DENND4B: variants seen among roughly 807,000 people sequenced by gnomAD.
The protein encoded by DENND4B is DENN domain-containing protein 4B.
DENND4B carries 67 observed loss-of-function variants against 161.0 expected under a neutral mutation model. The observed-to-expected ratio is 0.42, with a 90% CI of 0.34 to 0.51. DENND4B has a LOEUF of 0.51. Among genes scored for constraint, DENND4B ranks in the 20% least tolerant of loss-of-function variants. DENND4B has a pLI of 0.08. For synonymous variants in DENND4B, 753 were observed against 813.8 expected (o/e 0.93, Z 1.27); for missense variants, 1,481 against 1,968.0 (o/e 0.75, Z 4.68).
chr1:153,939,846 A>G, intron 11 of DENND4B, 42 bp from the exon 12 acceptor site: 2 of 1,590,722 alleles, frequency 1.3e-6, no homozygotes, highest in Non-Finnish European at 1.7e-6. Context: ...TGGCTCCCAT[A>G]GTGTTACCCT....
At position 153,944,382 on chromosome 1, in the gene DENND4B, C is replaced by G. The variant is rs545959826; in HGVS notation, c.-8G>C. On this transcript the variant is annotated 5_prime_UTR_variant, in exon 2 of 28. Coordinates refer to ENST00000361217, the MANE Select transcript of DENND4B (RefSeq NM_014856.3). This position sits in a 1 kb window ranked among gnomAD's most constrained non-coding sequence, Gnocchi z 4.8. The stretch of plus-strand genomic sequence containing the variant: ...GGGCCGCTCCTCCGCCATGGCCCCC[C>G]CCTCACTCACTGCATCTGGAATGGT... 10 of 1,599,828 alleles carry G rather than the reference C, an allele frequency of 6.3e-6. No homozygotes were observed. In the East Asian group the frequency reaches 1.6e-4, roughly 25 times the overall value.
Position 153,936,254 on chromosome 1 carries a change from C to T in DENND4B, c.2440-66G>A. The T allele has an allele frequency of 1.9e-6, 3 of 1,539,654 alleles. No homozygotes were observed. The highest frequency in any genetic ancestry group is 2.4e-5 in the East Asian group (1 of 41,082). The stretch of plus-strand genomic sequence containing the variant: ...CAACCAAAACCAAAGTCTCAGCAAG[C>T]ACCCTCTTCCTGCCTCCCCAATTCT... On this transcript the variant is annotated intron_variant, in intron 16 of 27. Coordinates refer to ENST00000361217, the MANE Select transcript of DENND4B (RefSeq NM_014856.3). This position sits in a 1 kb window ranked among gnomAD's most constrained non-coding sequence, Gnocchi z 4.1.
intron 17 of DENND4B, chr1:153,935,788 T>A (rs938093735): frequency 5.3e-6 from 2 of 380,814 alleles, no homozygotes; most frequent in East Asian, 1.1e-4. Context: ...GATAAAATGA[T>A]GTAAAATGTG....
In DENND4B at chr1:153,934,682, A is replaced by C. The variant is rs1679214423; in HGVS notation, c.2773+78T>G. 6.5e-7 allele frequency: 1 copy of C among 1,530,528 alleles called. No homozygotes were observed. Among genetic ancestry groups the C allele is most frequent in the African/African-American group, 1.4e-5 (1 of 72,822 alleles). 94.8% of individuals were successfully genotyped at this position (1,530,528 alleles called of 1,614,324 possible). A position where few individuals can be genotyped will look rare whatever the true frequency, so the allele number is the denominator to read the frequency against. On this transcript the variant is annotated intron_variant, in intron 18 of 27. Transcript: ENST00000361217. This position sits in a 1 kb window ranked among gnomAD's most constrained non-coding sequence, Gnocchi z 5.3. ...GAAACCCAATGCCAACCATTAGACC[A>C]GCCCCAACTCTCTATGCCTTTCCCT...
rs1459120612 is a variant in DENND4B, at chr1:153,942,020, C to T, written c.904G>A (p.Glu302Lys). ...ARALGLLSAV[E>K]RGRALGGRAV... ...CTGCCCCCCAGTGCCCGACCCCGCT[C>T]CACGGCGCTCAGCAGGCCCAGTGCC... The change falls in exon 6 of 28, where the codon GAG becomes AAG. Residue 302 changes from glutamate to lysine, a missense_variant. Glu to Lys is a moderately conservative substitution (Grantham distance 56). Transcript: ENST00000361217. This position sits in a 1 kb window ranked among gnomAD's most constrained non-coding sequence, Gnocchi z 6.9. 2 of 1,611,364 alleles carry T rather than the reference C, an allele frequency of 1.2e-6. No individual in the cohort carries two copies. Among genetic ancestry groups the T allele is most frequent in the Non-Finnish European group, 1.7e-6 (2 of 1,178,994 alleles).
At position 153,933,093 on chromosome 1, in the gene DENND4B, C is replaced by G; in HGVS notation, c.3454-63G>C. The G allele has an allele frequency of 3.1e-6, 5 of 1,610,498 alleles. No homozygotes were observed. Among genetic ancestry groups the G allele is most frequent in the Non-Finnish European group, 4.2e-6 (5 of 1,177,496 alleles). ...GCCGCCAGCACTCTGGAGCCCATGC[C>G]CCTTCCCCAGCCCCTCCCACCTCCT... On this transcript the variant is annotated intron_variant, in intron 21 of 27. Coordinates refer to ENST00000361217, the MANE Select transcript of DENND4B (RefSeq NM_014856.3). The surrounding 1 kb of genome is among the most constrained non-coding windows in gnomAD (Gnocchi z 5.7).
Position 153,933,044 on chromosome 1 carries a change from G to T in DENND4B, c.3454-14C>A. The T allele has an allele frequency of 1.9e-6, 3 of 1,612,310 alleles. No homozygotes were observed. Among genetic ancestry groups the T allele is most frequent in the Non-Finnish European group, 2.5e-6 (3 of 1,178,706 alleles). Reference sequence around the variant, plus strand: ...GGACAGCAGAATCTGTGGGCAGGGAGAGTCGGGAAGTAGGTGCTGTCTGGC... The same window carrying T: ...GGACAGCAGAATCTGTGGGCAGGGATAGTCGGGAAGTAGGTGCTGTCTGGC... On this transcript the variant is annotated splice_polypyrimidine_tract_variant and intron_variant, in intron 21 of 27. Coordinates refer to ENST00000361217, the MANE Select transcript of DENND4B (RefSeq NM_014856.3). This position sits in a 1 kb window ranked among gnomAD's most constrained non-coding sequence, Gnocchi z 5.7.
At chr1:153,943,475 C>T (rs1374633658) in intron 2 of DENND4B, among the ~76,000 whole-genome samples, 1 of 152,130 alleles carries the variant, frequency 6.6e-6, no homozygotes, top group African/African-American at 2.4e-5. Context: ...GTCAGGGGTT[C>T]AGGACCAGCC....
intron 24 of DENND4B, among the ~76,000 whole-genome samples, chr1:153,931,486 TA>T (rs1221738708): frequency 6.6e-6 from 1 of 151,580 alleles, no homozygotes; most frequent in Non-Finnish European, 1.5e-5. Context: ...CTCCAAAGTC[TA>T]TGCTCTTTCT....
chr1:153,940,719 G>C lies in DENND4B; in HGVS notation c.1327-113C>G. 6.8e-7 allele frequency: 1 copy of C among 1,474,436 alleles called. No individual in the cohort carries two copies. 91.3% of individuals were successfully genotyped at this position (1,474,436 alleles called of 1,614,324 possible). A position where few individuals can be genotyped will look rare whatever the true frequency, so the allele number is the denominator to read the frequency against. ...TGGGGAGTTGGTGCCTGTTGAGAGA[G>C]GCTGTTGGAAGTAGGCTCTAGAGAA... On this transcript the variant is annotated intron_variant, in intron 9 of 27. Transcript: ENST00000361217. This position sits in a 1 kb window ranked among gnomAD's most constrained non-coding sequence, Gnocchi z 5.6.
chr1:153,941,603 T>C, intron 6 of DENND4B, among the ~76,000 whole-genome samples, 163 bp from the exon 7 acceptor site: 1 of 152,186 alleles, frequency 6.6e-6, no homozygotes, highest in East Asian at 1.9e-4. Flanking sequence ...GCATATAATT[T>C]GTGCAGATCA....
At position 153,944,184 on chromosome 1, in the gene DENND4B, C is replaced by T; in HGVS notation, c.191G>A (p.Gly64Asp). 1 of 1,612,552 alleles carries T rather than the reference C, an allele frequency of 6.2e-7. No homozygotes were observed. Among genetic ancestry groups the T allele is most frequent in the Non-Finnish European group, 8.5e-7 (1 of 1,179,284 alleles). The change falls in exon 2 of 28, where the codon GGC becomes GAC. Residue 64 changes from glycine (G) to aspartate (D), a missense_variant. Coordinates refer to ENST00000361217, the MANE Select transcript of DENND4B (RefSeq NM_014856.3). This position sits in a 1 kb window ranked among gnomAD's most constrained non-coding sequence, Gnocchi z 4.8. ...ARALGEEVPQ[G>D]YTCIQASAGG... ...AGCAGAAGCCTGGATGCATGTGTAG[C>T]CCTGGGGCACTTCCTCGCCCAGTGC...
chr1:153,936,761 G>C lies in DENND4B; in HGVS notation c.2233-13C>G. Reference sequence around the variant, plus strand: ...CAACTTTCATCTCCTAGGTAGGACAGGGGACACATCAGGGTGAGTACAATG... The same window carrying C: ...CAACTTTCATCTCCTAGGTAGGACACGGGACACATCAGGGTGAGTACAATG... On this transcript the variant is annotated splice_polypyrimidine_tract_variant and intron_variant, in intron 15 of 27. Transcript: ENST00000361217. The surrounding 1 kb of genome is among the most constrained non-coding windows in gnomAD (Gnocchi z 4.1). 1 of 1,564,446 alleles carries C rather than the reference G, an allele frequency of 6.4e-7. No homozygotes were observed. The highest frequency in any genetic ancestry group is 8.7e-7 in the Non-Finnish European group (1 of 1,152,146).
chr1:153,930,791 T>G lies in DENND4B; in HGVS notation c.4181A>C (p.Glu1394Ala). The change falls in exon 26 of 28, where the codon GAG (glutamate) becomes GCG (alanine). Residue 1394 changes from glutamate to alanine, a missense_variant. Physicochemically the swap from Glu to Ala is moderately radical, Grantham distance 107. Around this residue, in one of 3 missense-constraint regions of DENND4B, gnomAD observed 336 missense variants for 503.3 expected, o/e 0.67. Transcript: ENST00000361217. The surrounding 1 kb of genome is among the most constrained non-coding windows in gnomAD (Gnocchi z 4.7). The stretch of plus-strand genomic sequence containing the variant: ...GAGTCCAACATGGCGCAGCACTGAC[T>G]CCAACAGTGCCAAACTAAGGGATGC... ...VPASLSLALL[E>A]SVLRHVGLNE... The G allele has an allele frequency of 6.2e-7, 1 of 1,608,058 alleles. No homozygotes were observed. The highest frequency in any genetic ancestry group is 8.5e-7 in the Non-Finnish European group (1 of 1,177,216).
rs776548677 is a variant in DENND4B, at chr1:153,941,063, G to A, written c.1182-15C>T. Reference sequence around the variant, plus strand: ...AGCTGGCACCACTGCAGGCAATGCCGAGGTGGGGAAAGGGTCACCAGGATA... The same window carrying A: ...AGCTGGCACCACTGCAGGCAATGCCAAGGTGGGGAAAGGGTCACCAGGATA... On this transcript the variant is annotated splice_polypyrimidine_tract_variant and intron_variant, in intron 8 of 27. Coordinates refer to ENST00000361217, the MANE Select transcript of DENND4B (RefSeq NM_014856.3). 127 of 1,552,646 alleles carry A rather than the reference G, an allele frequency of 8.2e-5. No individual in the cohort carries two copies. Among genetic ancestry groups the A allele is most frequent in the Non-Finnish European group, 1.1e-4 (124 of 1,149,782 alleles).
chr1:153,939,890 A>G (rs780555724), intron 11 of DENND4B, 86 bp from the exon 12 acceptor site: 20 of 1,338,226 alleles, frequency 1.5e-5, no homozygotes, highest in Non-Finnish European at 2.0e-5. Flanking sequence ...CTCCACCTCC[A>G]GCCTCTGGCA....
At position 153,936,560 on chromosome 1, in the gene DENND4B, C is replaced by A; in HGVS notation, c.2421G>T (p.Lys807Asn). ...TGCCTACCTCATCAGGGAGCACCAC[C>A]TTGCCGCTCTCCATCTGGCGCAGCA... ...YHVLRQMESG[K>N]VVLPDEVCYR... Residue 807 changes from lysine to asparagine, a missense_variant, in exon 16 of 28, where the codon AAG (lysine) becomes AAT (asparagine). Lys to Asn is a moderately conservative substitution (Grantham distance 94). This residue lies in a region of DENND4B where 806 missense variants were observed against 1,134.4 expected (regional missense o/e 0.71). Transcript: ENST00000361217. This position sits in a 1 kb window ranked among gnomAD's most constrained non-coding sequence, Gnocchi z 4.1. 1.2e-6 allele frequency: 2 copies of A among 1,602,368 alleles called. No individual in the cohort carries two copies. Among genetic ancestry groups the A allele is most frequent in the Non-Finnish European group, 8.5e-7 (1 of 1,172,562 alleles).
chr1:153,937,916 G>C lies in DENND4B; in HGVS notation c.1966-53C>G. 1 of 1,610,468 alleles carries C rather than the reference G, an allele frequency of 6.2e-7. No homozygotes were observed. Among genetic ancestry groups the C allele is most frequent in the Non-Finnish European group, 8.5e-7 (1 of 1,177,594 alleles). Reference sequence around the variant, plus strand: ...GTTGAGATGGTGGGCATGGAGCAGAGCCAGGGTGTCTAGACGATGGCATCT... The same window carrying C: ...GTTGAGATGGTGGGCATGGAGCAGACCCAGGGTGTCTAGACGATGGCATCT... On this transcript the variant is annotated intron_variant, in intron 13 of 27. Coordinates refer to ENST00000361217, the MANE Select transcript of DENND4B (RefSeq NM_014856.3). This position sits in a 1 kb window ranked among gnomAD's most constrained non-coding sequence, Gnocchi z 4.7.
chr1:153,941,030 C>G lies in DENND4B; in HGVS notation c.1200G>C (p.Gln400His). The G allele has an allele frequency of 6.4e-7, 1 of 1,559,934 alleles. No individual in the cohort carries two copies. The highest frequency in any genetic ancestry group is 1.2e-5 in the South Asian group (1 of 84,948). Residue 400 changes from glutamine (Q) to histidine (H), a missense_variant, in exon 9 of 28, where the codon CAG (glutamine) becomes CAC (histidine). By Grantham distance (24) the Gln-to-His change is conservative. Transcript: ENST00000361217. The stretch of plus-strand genomic sequence containing the variant: ...GCTCAGGGCCCAGGCTCTGCAGCAG[C>G]TGCAGGAAGCTGGCACCACTGCAGG... The part of the protein sequence containing the change: ...PLPLSGASFL[Q>H]LLQSLGPELA...
Sources: gnomAD v4.1 joint callset for allele counts (sites outside exome capture counted in the v4.1 genomes callset) on GRCh38, gnomAD v4.1.1 for gene constraint, gnomAD v4.1.1 regional missense constraint, Gnocchi (gnomAD v3.1) non-coding constraint, MANE v1.5 for transcripts, NCBI Gene and HGNC (gene_info 2026-07-23, HGNC 2026-07-21) for gene names.